Variants in LVRN observed in about 807,000 individuals in gnomAD.
LVRN encodes the protein aminopeptidase Q.
LVRN carries 99 observed loss-of-function variants against 111.4 expected under a neutral mutation model. The observed-to-expected ratio is 0.89, with a 90% CI of 0.76 to 1.05. The LOEUF is 1.05. Ranked by LOEUF, LVRN falls within the 50% of genes least tolerant of loss-of-function variation. The pLI is 0.00. For synonymous variants in LVRN, 488 were observed against 449.5 expected, an observed-to-expected ratio of 1.09 and a Z score of -1.08; for missense variants, 1,414 against 1,206.8, an observed-to-expected ratio of 1.17 and a Z score of -2.54.
At chr5:115,989,778 T>C (rs1339881189) in intron 4 of LVRN, among the ~76,000 whole-genome samples, 1 of 152,174 alleles carries the variant, frequency 6.6e-6, no homozygotes, top group Non-Finnish European at 1.5e-5. Context: ...TGAGCGCCCA[T>C]AGGAGGTACT....
intron 1 of LVRN, among the ~76,000 whole-genome samples, chr5:115,971,768 T>C (rs1030546237): frequency 3.3e-5 from 5 of 152,122 alleles, no homozygotes; most frequent in African/African-American, 1.2e-4. Flanking sequence ...ACCAACTTTT[T>C]TCCAGTTATT....
At chr5:116,023,224 G>C (rs1389986938) in intron 19 of LVRN, 1 of 152,144 alleles carries the variant, frequency 6.6e-6, no homozygotes, top group Non-Finnish European at 1.5e-5. Context: ...GTAATCACTG[G>C]TAAATATGTC....
At chr5:115,984,518 A>C (rs78947008) in intron 2 of LVRN, 52 bp from the exon 3 acceptor site, 5 of 1,590,568 alleles carry the variant, frequency 3.1e-6, no homozygotes, top group African/African-American at 2.7e-5. Flanking sequence ...TATTTCAAAG[A>C]CATGTAATTG....
intron 18 of LVRN, among the ~76,000 whole-genome samples, chr5:116,016,863 TA>T (rs35838739): frequency 0.29 from 43,859 of 151,634 alleles, 6,530 homozygotes; most frequent in South Asian, 0.33. Context: ...TCTGGAACTG[TA>T]AAAAAAAACC....
chr5:116,022,416 C>G lies in LVRN; in HGVS notation c.2782C>G (p.Leu928Val), dbSNP rs1167719652. 3 of 1,576,222 alleles carry G rather than the reference C, an allele frequency of 1.9e-6. No homozygotes were observed. Among genetic ancestry groups the G allele is most frequent in the South Asian group, 1.1e-5 (1 of 87,776 alleles). The stretch of plus-strand genomic sequence containing the variant: ...GTATGGAACACAATCATTGATTAAT[C>G]TAATATATACAATAGGGAGAACCGT... ...KRYGTQSLINLIYTIGRTVTT... is the reference protein window; with the variant it reads ...KRYGTQSLINVIYTIGRTVTT... The change falls in exon 19 of 20, where the codon CTA (leucine) becomes GTA (valine). Residue 928 changes from leucine (L) to valine (V), a missense_variant. By Grantham distance (32) the Leu-to-Val change is conservative. Coordinates refer to ENST00000357872, the MANE Select transcript of LVRN (RefSeq NM_173800.5).
At chr5:115,979,171 G>A (rs1753511238) in intron 1 of LVRN, among the ~76,000 whole-genome samples, 1 of 152,042 alleles carries the variant, frequency 6.6e-6, no homozygotes, top group African/African-American at 2.4e-5. Context: ...ATGCTTCCCT[G>A]GCCTGGGACT....
At position 116,002,903 on chromosome 5, in the gene LVRN, A is replaced by T; in HGVS notation, c.1889A>T (p.Gln630Leu). The T allele has an allele frequency of 6.2e-7, 1 of 1,603,928 alleles. No individual in the cohort carries two copies. The highest frequency in any genetic ancestry group is 1.1e-5 in the South Asian group (1 of 90,192). Residue 630 changes from glutamine to leucine, a missense_variant, in exon 11 of 20, where the codon CAA (glutamine) becomes CTA (leucine). Gln to Leu is a moderately radical substitution (Grantham distance 113). Coordinates refer to ENST00000357872, the MANE Select transcript of LVRN (RefSeq NM_173800.5). ...ACACAACCTTTAGTCTGGCTAGATC[A>T]AAGCAGCAGTAAGTAACAAATTTTA... Reference protein sequence around the residue: ...GTTQPLVWLDQSSKVFPEMQV... With the variant: ...GTTQPLVWLDLSSKVFPEMQV...
intron 18 of LVRN, 25 bp downstream of exon 18, chr5:116,015,790 T>G (rs893516383): frequency 3.1e-6 from 5 of 1,610,886 alleles, no homozygotes; most frequent in Middle Eastern, 1.6e-4. Flanking sequence ...GAGACCTTTC[T>G]TTCATTTAGG....
intron 15 of LVRN, among the ~76,000 whole-genome samples, chr5:116,013,550 G>T (rs886893583): frequency 6.6e-6 from 1 of 152,070 alleles, no homozygotes; most frequent in Non-Finnish European, 1.5e-5. Flanking sequence ...GATTGGGATG[G>T]GTGAGGAGAG....
chr5:116,019,596 T>C (rs1748671340), intron 18 of LVRN, among the ~76,000 whole-genome samples: 1 of 152,274 alleles, frequency 6.6e-6, no homozygotes, highest in Admixed American at 6.5e-5. Flanking sequence ...AATAATCTAC[T>C]TCTTATTCCA....
chr5:115,986,453 C>T (rs574334933), intron 3 of LVRN, among the ~76,000 whole-genome samples: 233 of 152,154 alleles, frequency 1.5e-3, no homozygotes, highest in African/African-American at 5.3e-3. Flanking sequence ...AAGATCACCC[C>T]GAAAAGGATG....
chr5:115,968,820 C>CAG (rs1277949397), intron 1 of LVRN, among the ~76,000 whole-genome samples: 8 of 152,130 alleles, frequency 5.3e-5, no homozygotes, highest in Non-Finnish European at 1.0e-4. Context: ...GGAGAATGGG[C>CAG]AAGTGTGACT....
chr5:116,014,216 G>C (rs1393975653), intron 15 of LVRN, among the ~76,000 whole-genome samples: 2 of 152,072 alleles, frequency 1.3e-5, no homozygotes, highest in African/African-American at 4.8e-5. Flanking sequence ...AGCTCTTTTT[G>C]GTGCCTAAGA....
Position 115,999,471 on chromosome 5 carries a change from C to A in LVRN, c.1375-291C>A, listed in dbSNP as rs527760455. Among the ~76,000 whole-genome samples, 24 of 152,252 alleles carry A rather than the reference C, an allele frequency of 1.6e-4. No homozygotes were observed. The South Asian group carries it at 4.6e-3, about 29-fold the overall frequency. On this transcript the variant is annotated intron_variant, in intron 6 of 19. Coordinates refer to ENST00000357872, the MANE Select transcript of LVRN (RefSeq NM_173800.5). Reference sequence around the variant, plus strand: ...TTAAGGAAGGCCCTCTCAGGATGGCCATGGACCTCCTTGTGGGAAATGTAG... The same window carrying A: ...TTAAGGAAGGCCCTCTCAGGATGGCAATGGACCTCCTTGTGGGAAATGTAG...
chr5:116,014,499 G>A lies in LVRN; in HGVS notation c.2422G>A (p.Ala808Thr), dbSNP rs755004741. Residue 808 changes from alanine (A) to threonine (T), a missense_variant, in exon 16 of 20, where the codon GCA becomes ACA. Coordinates refer to ENST00000357872, the MANE Select transcript of LVRN (RefSeq NM_173800.5). ...DCLQLSKELF[A>T]KWVDHPENEI... ...CCTTCAGCTGTCAAAAGAACTTTTCGCAAAATGGGTGGATCATCCAGAAAA... is the reference window on the plus strand; with the variant it reads ...CCTTCAGCTGTCAAAAGAACTTTTCACAAAATGGGTGGATCATCCAGAAAA... 11 of 1,613,356 alleles carry A rather than the reference G, an allele frequency of 6.8e-6. No individual in the cohort carries two copies. The highest frequency in any genetic ancestry group is 3.3e-5 in the Admixed American group (2 of 59,980).
At position 116,015,309 on chromosome 5, in the gene LVRN, TA is replaced by T; in HGVS notation, c.2511del (p.Glu838SerfsTer6). ...GTTATGGCATTGCCTTGGGAAGTGA[TA>T]AAGAGTGGGACATCTTGTTAAATAC... ...LCYGIALGSD[K>X]EWDILLNTYT... On this transcript the variant is annotated frameshift_variant, in exon 17 of 20. Transcript: ENST00000357872. LOFTEE classifies it high-confidence loss of function. 1 of 1,612,088 alleles carries T rather than the reference TA, an allele frequency of 6.2e-7. No homozygotes were observed. Among genetic ancestry groups the T allele is most frequent in the Non-Finnish European group, 8.5e-7 (1 of 1,179,146 alleles).
rs186404728 is a variant in LVRN, at chr5:115,963,031, G to A, written c.414G>A (p.Thr138=). 7 of 1,613,478 alleles carry A rather than the reference G, an allele frequency of 4.3e-6. No individual in the cohort carries two copies. The East Asian group carries it at 6.7e-5, about 15-fold the overall frequency. Reference sequence around the variant, plus strand: ...GCGTGAACATCACGGTGCGCTGCACGGTGGCCACCTCTCGACTGCTGCTGC... The same window carrying A: ...GCGTGAACATCACGGTGCGCTGCACAGTGGCCACCTCTCGACTGCTGCTGC... ...TGRVNITVRC[T]VATSRLLLHS... Residue 138 remains threonine (T), a synonymous_variant, in exon 1 of 20, where the codon ACG becomes ACA. Transcript: ENST00000357872.
chr5:116,016,674 C>A (rs1009543430), intron 18 of LVRN, among the ~76,000 whole-genome samples: 6 of 152,174 alleles, frequency 3.9e-5, no homozygotes, highest in African/African-American at 1.4e-4. Flanking sequence ...AGAAGCCCTG[C>A]AGAAGGAAAC....
At chr5:115,976,604 C>T (rs1753454209) in intron 1 of LVRN, among the ~76,000 whole-genome samples, 1 of 152,128 alleles carries the variant, frequency 6.6e-6, no homozygotes, top group Admixed American at 6.5e-5. Context: ...GCTTTAATGC[C>T]ATGCCACAAA....
Sources: gnomAD v4.1 joint callset for allele counts (sites outside exome capture counted in the v4.1 genomes callset) on GRCh38, gnomAD v4.1.1 for gene constraint, MANE v1.5 for transcripts, NCBI Gene and HGNC (gene_info 2026-07-23, HGNC 2026-07-21) for gene names.